FSTL5: variants seen among roughly 807,000 people sequenced by gnomAD.
FSTL5 encodes follistatin like 5.
In FSTL5, 62 loss-of-function variants were observed where a neutral mutation model predicts 89.1. The observed-to-expected ratio is 0.70, with a 90% CI of 0.57 to 0.86. The LOEUF is 0.86. Ranked by LOEUF, FSTL5 falls within the 40% of genes least tolerant of loss-of-function variation. The pLI is 0.00. For missense variants in FSTL5, 1,057 were observed against 1,001.6 expected (o/e 1.06, Z -0.75); for synonymous variants, 383 against 346.2 (o/e 1.11, Z -1.18).
At chr4:162,093,679 C>T (rs1355473072) in intron 2 of FSTL5, among the ~76,000 whole-genome samples, 3 of 152,062 alleles carry the variant, frequency 2.0e-5, no homozygotes, top group Admixed American at 1.3e-4. Context: ...CTGGTAATCA[C>T]TATGTTTCCT....
Position 162,141,264 on chromosome 4 carries a change from G to A in FSTL5, c.-17+22351C>T, listed in dbSNP as rs1171102882. Among the ~76,000 whole-genome samples the A allele has an allele frequency of 6.4e-4, 58 of 91,120 alleles. 1 individual carries two copies. Among genetic ancestry groups the A allele is most frequent in the African/African-American group, 2.0e-3 (55 of 27,606 alleles). 59.8% of individuals were successfully genotyped at this position (91,120 alleles called of 152,430 possible). On this transcript the variant is annotated intron_variant, in intron 1 of 15. Coordinates refer to ENST00000306100, the MANE Select transcript of FSTL5 (RefSeq NM_020116.5). Reference sequence around the variant, plus strand: ...CCCGTGTAGCTGGGACTACAGGCGCGCACCACCATGCCCGGCTAATTTTTG... The same window carrying A: ...CCCGTGTAGCTGGGACTACAGGCGCACACCACCATGCCCGGCTAATTTTTG...
chr4:161,500,896 G>A (rs1247589629), intron 11 of FSTL5, among the ~76,000 whole-genome samples: 2 of 152,042 alleles, frequency 1.3e-5, no homozygotes, highest in Admixed American at 6.6e-5. Flanking sequence ...CAAAGCCTGA[G>A]CCCAGGGAAC....
intron 8 of FSTL5, 129 bp downstream of exon 8, chr4:161,587,326 A>G (rs528263381): frequency 1.0e-4 from 72 of 715,170 alleles, no homozygotes; most frequent in African/African-American, 1.6e-4. Flanking sequence ...AAACTTTTAC[A>G]TTATCAGTTG....
chr4:162,099,400 A>C (rs1025809232), intron 2 of FSTL5, among the ~76,000 whole-genome samples: 2 of 152,194 alleles, frequency 1.3e-5, no homozygotes, highest in African/African-American at 2.4e-5. Flanking sequence ...GAATACAAAC[A>C]CTTTACAATA....
At chr4:161,460,434 C>T (rs1428916644) in intron 13 of FSTL5, among the ~76,000 whole-genome samples, 1 of 91,190 alleles carries the variant, frequency 1.1e-5, no homozygotes, top group Non-Finnish European at 2.5e-5. Context: ...TTCCCCACCC[C>T]GTGTCCAAGT....
At chr4:161,836,205 C>G (rs1731033976) in intron 4 of FSTL5, among the ~76,000 whole-genome samples, 1 of 146,354 alleles carries the variant, frequency 6.8e-6, no homozygotes, top group South Asian at 2.2e-4. Context: ...ATCGCAAGAA[C>G]AAAAAAACAA....
chr4:161,389,405 A>C (rs1406913644), intron 15 of FSTL5, among the ~76,000 whole-genome samples: 1 of 152,094 alleles, frequency 6.6e-6, no homozygotes, highest in African/African-American at 2.4e-5. Flanking sequence ...TGGTGAAAAG[A>C]GTTATAGTTA....
chr4:161,734,530 T>A (rs2126765370), intron 6 of FSTL5, among the ~76,000 whole-genome samples: 1 of 152,288 alleles, frequency 6.6e-6, no homozygotes, highest in East Asian at 1.9e-4. Flanking sequence ...TAAGTGATGT[T>A]TTGGTTCAAA....
intron 5 of FSTL5, among the ~76,000 whole-genome samples, chr4:161,765,864 C>T (rs966694278): frequency 1.3e-5 from 2 of 151,050 alleles, no homozygotes; most frequent in Admixed American, 6.6e-5. Context: ...GGCACAATCT[C>T]GGCTCACTGC....
At chr4:161,433,808 A>G (rs1439745148) in intron 15 of FSTL5, among the ~76,000 whole-genome samples, 6 of 152,100 alleles carry the variant, frequency 3.9e-5, no homozygotes, top group Non-Finnish European at 7.4e-5. Context: ...CCCATATATA[A>G]TAGCTACAAA....
chr4:161,780,037 G>A (rs1467202710), intron 4 of FSTL5, among the ~76,000 whole-genome samples: 1 of 148,332 alleles, frequency 6.7e-6, no homozygotes, highest in Non-Finnish European at 1.5e-5. Flanking sequence ...TAAAATTAAG[G>A]TAAACAAAAT....
intron 13 of FSTL5, among the ~76,000 whole-genome samples, chr4:161,465,398 G>C (rs974047805): frequency 6.6e-6 from 1 of 151,980 alleles, no homozygotes; most frequent in African/African-American, 2.4e-5. Context: ...CATTAGTTAT[G>C]TGCTCATATT....
chr4:162,117,584 G>A (rs886197634), intron 1 of FSTL5, among the ~76,000 whole-genome samples: 30 of 152,106 alleles, frequency 2.0e-4, no homozygotes, highest in African/African-American at 6.8e-4. Context: ...AGGTTTAGTC[G>A]AAACACATTA....
chr4:161,492,606 A>T (rs973571875), intron 12 of FSTL5, among the ~76,000 whole-genome samples: 4 of 152,154 alleles, frequency 2.6e-5, no homozygotes, highest in African/African-American at 9.6e-5. Flanking sequence ...TTCTAGAGAA[A>T]TATTGACTCT....
At chr4:162,031,337 G>A (rs1288736988) in intron 3 of FSTL5, among the ~76,000 whole-genome samples, 3 of 152,146 alleles carry the variant, frequency 2.0e-5, no homozygotes, top group African/African-American at 4.8e-5. Context: ...GCTGATAACT[G>A]ATTACTAATA....
At chr4:162,090,713 T>A (rs1730516268) in intron 2 of FSTL5, among the ~76,000 whole-genome samples, 3 of 151,792 alleles carry the variant, frequency 2.0e-5, no homozygotes, top group Non-Finnish European at 2.9e-5. Flanking sequence ...CCCAACTACT[T>A]GGGTGGCTGA....
chr4:162,060,261 A>G (rs1243111230), intron 2 of FSTL5, among the ~76,000 whole-genome samples: 1 of 152,078 alleles, frequency 6.6e-6, no homozygotes, highest in Non-Finnish European at 1.5e-5. Flanking sequence ...AAATTTTAGA[A>G]ATAATAGCAG....
chr4:161,555,425 G>GA (rs1025834957), intron 8 of FSTL5, among the ~76,000 whole-genome samples: 3 of 151,280 alleles, frequency 2.0e-5, no homozygotes. Context: ...GAATAAATGA[G>GA]AAAAAAACAT....
At chr4:161,943,967 T>G (rs1560929141) in intron 3 of FSTL5, among the ~76,000 whole-genome samples, 1 of 152,142 alleles carries the variant, frequency 6.6e-6, no homozygotes, top group Non-Finnish European at 1.5e-5. Flanking sequence ...TGGATAAAGT[T>G]TTCCTAGTTC....
Sources: allele counts gnomAD v4.1 joint callset (sites outside exome capture counted in the v4.1 genomes callset), GRCh38; gene constraint gnomAD v4.1.1; transcripts MANE v1.5; gene names NCBI Gene and HGNC (gene_info 2026-07-23, HGNC 2026-07-21).